The following P2RY2 variants were observed in gnomAD, a reference collection of about 807,000 sequenced individuals.
P2RY2 encodes P2Y purinoceptor 2.
For synonymous variants in P2RY2, 241 were observed against 231.9 expected (o/e 1.04, Z -0.35); for missense variants, 567 against 515.7 (o/e 1.10, Z -0.96).
In P2RY2 at chr11:73,236,493, T is replaced by A; in HGVS notation, c.*1200T>A. On this transcript the variant is annotated 3_prime_UTR_variant, in exon 3 of 3. Coordinates refer to ENST00000393597, the MANE Select transcript of P2RY2 (RefSeq NM_002564.4). ...AGTGGGAGACTCCTGAGCTGTAGCT[T>A]CTGAGAAAAGCAGCTCACCGGAAGA... 3.2e-6 allele frequency: 3 copies of A among 938,042 alleles called. No individual in the cohort carries two copies. Among genetic ancestry groups the A allele is most frequent in the Non-Finnish European group, 3.8e-6 (3 of 786,312 alleles). The allele number at this position is 938,042 out of a possible 1,614,324, so 58.1% of individuals were successfully genotyped here. A position where few individuals can be genotyped will look rare whatever the true frequency, so the allele number is the denominator to read the frequency against.
intron 2 of P2RY2, among the ~76,000 whole-genome samples, chr11:73,233,786 G>C (rs1862530572): frequency 6.6e-6 from 1 of 152,186 alleles, no homozygotes; most frequent in Non-Finnish European, 1.5e-5. Context: ...TAGCCAGCTT[G>C]AGCTAACTTT....
At chr11:73,224,628 G>A (rs1054491850) in intron 1 of P2RY2, among the ~76,000 whole-genome samples, 3 of 152,060 alleles carry the variant, frequency 2.0e-5, no homozygotes, top group African/African-American at 7.2e-5. Flanking sequence ...TGTGAAGGGT[G>A]AGCGAGTGAA....
rs139591958 is a variant in P2RY2 at position 73,234,621 on chromosome 11, C to G, written c.462C>G (p.Ala154=). 1 of 1,567,900 alleles carries G rather than the reference C, an allele frequency of 6.4e-7. No homozygotes were observed. Among genetic ancestry groups the G allele is most frequent in the Admixed American group, 1.8e-5 (1 of 55,974 alleles). The change falls in exon 3 of 3, where the codon GCC becomes GCG. Residue 154 remains alanine, a synonymous_variant. Coordinates refer to ENST00000393597, the MANE Select transcript of P2RY2 (RefSeq NM_002564.4). ...GGGCCCGCTACGCTCGCCGGGTGGC[C>G]GGGGCCGTGTGGGTGTTGGTGCTGG... is the stretch of plus-strand genomic sequence containing the variant. The part of the protein sequence containing the change: ...WGRARYARRV[A]GAVWVLVLAC...
intron 2 of P2RY2, among the ~76,000 whole-genome samples, chr11:73,232,862 G>A (rs1263892022): frequency 6.6e-6 from 1 of 152,112 alleles, no homozygotes; most frequent in Non-Finnish European, 1.5e-5. Context: ...TGCCTCCTGG[G>A]ACGTTAGGCA....
At chr11:73,233,389 C>T (rs1005349345) in intron 2 of P2RY2, among the ~76,000 whole-genome samples, 12 of 152,248 alleles carry the variant, frequency 7.9e-5, no homozygotes, top group African/African-American at 2.9e-4. Flanking sequence ...GGAAAATGAG[C>T]TGGAGAGAAC....
chr11:73,222,094 C>T (rs1862134288), intron 1 of P2RY2, among the ~76,000 whole-genome samples: 1 of 152,162 alleles, frequency 6.6e-6, no homozygotes, highest in African/African-American at 2.4e-5. Context: ...CTCCTTGACC[C>T]TCTGCCCTGG....
intron 2 of P2RY2, 74 bp from the exon 3 acceptor site, chr11:73,234,082 C>G (rs1292649186): frequency 1.3e-6 from 2 of 1,509,852 alleles, no homozygotes; most frequent in East Asian, 2.3e-5. Flanking sequence ...AAGCCCTGGT[C>G]AGGTGGCTGT....
chr11:73,226,190 G>A (rs770726351), intron 1 of P2RY2, among the ~76,000 whole-genome samples: 1 of 152,186 alleles, frequency 6.6e-6, no homozygotes, highest in Non-Finnish European at 1.5e-5. Context: ...GGGTGGGGAA[G>A]AGGGAGGTTG....
intron 1 of P2RY2, among the ~76,000 whole-genome samples, chr11:73,226,388 A>G (rs997796275): frequency 1.3e-5 from 2 of 152,146 alleles, no homozygotes; most frequent in African/African-American, 4.8e-5. Flanking sequence ...TCACCTTGTC[A>G]TAGTCTCTAG....
At position 73,237,369 on chromosome 11, in the gene P2RY2, T is replaced by G. The variant is rs138403369; in HGVS notation, c.*2076T>G. On this transcript the variant is annotated 3_prime_UTR_variant, in exon 3 of 3. Coordinates refer to ENST00000393597, the MANE Select transcript of P2RY2 (RefSeq NM_002564.4). ...TTCAAGCAATTCTCCTGCCTCAGTTTCCCAAGTAGCTGGGATTACAGGTAT... is the reference window on the plus strand; with the variant it reads ...TTCAAGCAATTCTCCTGCCTCAGTTGCCCAAGTAGCTGGGATTACAGGTAT... 2.6e-4 allele frequency among the ~76,000 whole-genome samples: 40 copies of G among 152,256 alleles called. No individual in the cohort carries two copies. The highest frequency in any genetic ancestry group is 8.9e-4 in the African/African-American group (37 of 41,552).
intron 2 of P2RY2, among the ~76,000 whole-genome samples, chr11:73,228,449 G>A (rs1244025908): frequency 6.6e-6 from 1 of 152,198 alleles, no homozygotes; most frequent in Non-Finnish European, 1.5e-5. Context: ...TGGAGGTGGG[G>A]GATGAAGATG....
chr11:73,231,172 A>G (rs76814746), intron 2 of P2RY2, among the ~76,000 whole-genome samples: 6,631 of 152,226 alleles, frequency 0.044, 468 homozygotes, highest in African/African-American at 0.15. Flanking sequence ...GGCAGGGGGA[A>G]CAAGGGTGCA....
At chr11:73,224,069 T>C (rs1445768581) in intron 1 of P2RY2, among the ~76,000 whole-genome samples, 6 of 152,166 alleles carry the variant, frequency 3.9e-5, no homozygotes, top group Non-Finnish European at 8.8e-5. Flanking sequence ...AAGGGCCTCC[T>C]GAAGGGGGTG....
At chr11:73,231,725 C>G (rs1862465136) in intron 2 of P2RY2, among the ~76,000 whole-genome samples, 1 of 151,946 alleles carries the variant, frequency 6.6e-6, no homozygotes, top group South Asian at 2.1e-4. Context: ...CTGCAGAGTC[C>G]CCCAGTCCCT....
intron 1 of P2RY2, among the ~76,000 whole-genome samples, chr11:73,224,494 T>A (rs1307832858): frequency 1.3e-5 from 2 of 152,210 alleles, no homozygotes; most frequent in African/African-American, 4.8e-5. Flanking sequence ...CTGATCACCC[T>A]GTGTTATCAT....
intron 2 of P2RY2, 78 bp from the exon 3 acceptor site, chr11:73,234,078 T>C: frequency 2.0e-6 from 3 of 1,499,768 alleles, no homozygotes; most frequent in Non-Finnish European, 2.7e-6. Flanking sequence ...ATGAAAGCCC[T>C]GGTCAGGTGG....
rs1862581030 is a variant in P2RY2, at chr11:73,234,800, T to C, written c.641T>C (p.Ile214Thr). The change falls in exon 3 of 3, where the codon ATC (isoleucine) becomes ACC (threonine). Residue 214 changes from isoleucine to threonine, a missense_variant. Transcript: ENST00000393597. The part of the protein sequence containing the change: ...GLLFAVPFAV[I>T]LVCYVLMARR... ...CTCTTCGCGGTGCCCTTTGCCGTCA[T>C]CCTTGTCTGTTACGTGCTCATGGCT... 3 of 1,611,954 alleles carry C rather than the reference T, an allele frequency of 1.9e-6. No homozygotes were observed. The highest frequency in any genetic ancestry group is 2.5e-6 in the Non-Finnish European group (3 of 1,179,964).
At chr11:73,233,943 A>G (rs1019144489) in intron 2 of P2RY2, 19 of 595,026 alleles carry the variant, frequency 3.2e-5, no homozygotes, top group East Asian at 2.3e-4. Flanking sequence ...CCTTTGGACT[A>G]TAGTTTGTCT....
At chr11:73,222,860 T>C (rs1862160136) in intron 1 of P2RY2, among the ~76,000 whole-genome samples, 1 of 152,198 alleles carries the variant, frequency 6.6e-6, no homozygotes, top group African/African-American at 2.4e-5. Flanking sequence ...GTGGATTTGG[T>C]CCATGTCTGT....
Sources: allele counts gnomAD v4.1 joint callset (sites outside exome capture counted in the v4.1 genomes callset), GRCh38; gene constraint gnomAD v4.1.1; transcripts MANE v1.5; gene names NCBI Gene and HGNC (gene_info 2026-07-23, HGNC 2026-07-21).